TYR: variants seen among roughly 807,000 people sequenced by gnomAD.
TYR encodes the protein tyrosinase, also known as LB24-AB.
A neutral mutation model predicts 51.5 loss-of-function variants in TYR; 58 were observed. The observed-to-expected ratio is 1.13, with a 90% confidence interval of 0.91 to 1.40. TYR has a LOEUF of 1.40. Ranked by LOEUF, TYR falls within the 40% of genes most tolerant of loss-of-function variation. TYR has a pLI of 0.00. For synonymous variants in TYR, 263 were observed against 235.2 expected (o/e 1.12, Z -1.08); for missense variants, 732 against 647.4 (o/e 1.13, Z -1.42).
intron 3 of TYR, among the ~76,000 whole-genome samples, chr11:89,280,957 T>C (rs1204003361): frequency 2.0e-5 from 3 of 151,814 alleles, no homozygotes; most frequent in Non-Finnish European, 2.9e-5. Context: ...TCCTCAGAGA[T>C]AGTTCATGTA....
intron 2 of TYR, among the ~76,000 whole-genome samples, chr11:89,193,672 C>A (rs1438447194): frequency 1.3e-5 from 2 of 152,064 alleles, no homozygotes; most frequent in Non-Finnish European, 2.9e-5. Context: ...AAGTCCATGT[C>A]ATGAGAGAAA....
intron 3 of TYR, among the ~76,000 whole-genome samples, chr11:89,231,199 A>G (rs1027159883): frequency 1.5e-4 from 16 of 105,660 alleles, no homozygotes; most frequent in Non-Finnish European, 2.5e-4. Context: ...AAAGGAAGGA[A>G]TTGTTGTACT....
intron 2 of TYR, among the ~76,000 whole-genome samples, chr11:89,219,585 G>A (rs141993410): frequency 4.5e-4 from 69 of 152,128 alleles, no homozygotes; most frequent in African/African-American, 1.5e-3. Flanking sequence ...CACTGTGCCC[G>A]GCCTGATAGA....
intron 4 of TYR, among the ~76,000 whole-genome samples, chr11:89,288,446 T>C (rs1443404652): frequency 1.3e-5 from 2 of 151,958 alleles, no homozygotes; most frequent in Non-Finnish European, 2.9e-5. Context: ...AGTGTCCCAA[T>C]GGATACTTTT....
intron 2 of TYR, among the ~76,000 whole-genome samples, chr11:89,222,972 C>A (rs938339557): frequency 1.3e-5 from 2 of 152,078 alleles, no homozygotes; most frequent in South Asian, 4.1e-4. Context: ...ACATTCTGCA[C>A]CTTGCTGTAA....
intron 3 of TYR, among the ~76,000 whole-genome samples, chr11:89,263,131 G>A (rs1944482844): frequency 1.3e-5 from 2 of 151,760 alleles, no homozygotes; most frequent in Non-Finnish European, 2.9e-5. Context: ...AAACTGCCCA[G>A]CAGCATATAA....
chr11:89,284,340 T>G (rs1434731235), intron 3 of TYR, among the ~76,000 whole-genome samples: 2 of 151,840 alleles, frequency 1.3e-5, no homozygotes, highest in African/African-American at 4.8e-5. Flanking sequence ...TTTAAATCAT[T>G]GAAAGCCTCC....
chr11:89,213,716 A>G (rs570075140), intron 2 of TYR, among the ~76,000 whole-genome samples: 1 of 152,312 alleles, frequency 6.6e-6, no homozygotes, highest in South Asian at 2.1e-4. Context: ...ACTAACCAAA[A>G]CAGCATGACA....
chr11:89,201,809 G>GT (rs1943601959), intron 2 of TYR, among the ~76,000 whole-genome samples: 2 of 152,286 alleles, frequency 1.3e-5, no homozygotes, highest in African/African-American at 4.8e-5. Context: ...GCCCCATTTT[G>GT]TTAAGCAATA....
At chr11:89,186,088 C>A (rs1381070894) in intron 1 of TYR, among the ~76,000 whole-genome samples, 2 of 152,062 alleles carry the variant, frequency 1.3e-5, no homozygotes, top group African/African-American at 4.8e-5. Context: ...GCATGCTTAG[C>A]CACAATCAGA....
At chr11:89,277,336 C>G (rs1944667209) in intron 3 of TYR, among the ~76,000 whole-genome samples, 1 of 151,734 alleles carries the variant, frequency 6.6e-6, no homozygotes, top group African/African-American at 2.4e-5. Context: ...ATTCGTGTGG[C>G]TGGAGGCATC....
intron 3 of TYR, among the ~76,000 whole-genome samples, chr11:89,247,810 A>T (rs1944285239): frequency 6.6e-6 from 1 of 152,290 alleles, no homozygotes; most frequent in African/African-American, 2.4e-5. Flanking sequence ...ACATAGCAGG[A>T]GGATATTTAG....
intron 3 of TYR, among the ~76,000 whole-genome samples, chr11:89,264,179 G>T (rs946730937): frequency 5.9e-5 from 9 of 151,950 alleles, no homozygotes; most frequent in African/African-American, 2.2e-4. Context: ...CAATCCAGAG[G>T]TGGAAATGCA....
At chr11:89,221,593 A>G (rs981589563) in intron 2 of TYR, among the ~76,000 whole-genome samples, 1 of 152,184 alleles carries the variant, frequency 6.6e-6, no homozygotes, top group African/African-American at 2.4e-5. Flanking sequence ...TCAGCCATCA[A>G]ATACAGCCTC....
intron 3 of TYR, among the ~76,000 whole-genome samples, chr11:89,236,146 T>C (rs1944109354): frequency 1.3e-5 from 2 of 151,912 alleles, no homozygotes; most frequent in Non-Finnish European, 2.9e-5. Flanking sequence ...TTGTTTGCAA[T>C]GCGGAAAATA....
chr11:89,210,839 A>C (rs1302352105), intron 2 of TYR, among the ~76,000 whole-genome samples: 6 of 152,238 alleles, frequency 3.9e-5, no homozygotes, highest in Non-Finnish European at 8.8e-5. Context: ...TTTTCAACCC[A>C]GAATTTCATA....
At chr11:89,217,285 C>T (rs372704565) in intron 2 of TYR, among the ~76,000 whole-genome samples, 24 of 152,246 alleles carry the variant, frequency 1.6e-4, no homozygotes, top group African/African-American at 5.5e-4. Flanking sequence ...TGTTAACAAA[C>T]GTATGCCAAA....
At chr11:89,242,799 G>A (rs1012940676) in intron 3 of TYR, among the ~76,000 whole-genome samples, 2 of 152,122 alleles carry the variant, frequency 1.3e-5, no homozygotes, top group Non-Finnish European at 2.9e-5. Flanking sequence ...TCCCTAAAGA[G>A]GTCCTGACCA....
At chr11:89,199,990 G>A (rs1314234128) in intron 2 of TYR, among the ~76,000 whole-genome samples, 1 of 151,982 alleles carries the variant, frequency 6.6e-6, no homozygotes, top group Non-Finnish European at 1.5e-5. Context: ...CACTTCCTTG[G>A]GATAAGTCTT....
Sources: allele counts gnomAD v4.1 joint callset (sites outside exome capture counted in the v4.1 genomes callset), GRCh38; gene constraint gnomAD v4.1.1; transcripts MANE v1.5; gene names NCBI Gene and HGNC (gene_info 2026-07-23, HGNC 2026-07-21).